The following NCAM1 variants were observed in gnomAD, a reference collection of about 807,000 sequenced individuals.
NCAM1 encodes the protein neural cell adhesion molecule 1.
Under a neutral mutation model 109.8 loss-of-function variants are expected in NCAM1, and 14 were observed. The observed-to-expected ratio is 0.13, with a 90% CI of 0.08 to 0.20. The LOEUF is 0.20. Among genes scored for constraint, NCAM1 ranks in the 10% least tolerant of loss-of-function variants. The pLI is 1.00. For synonymous variants in NCAM1, 418 were observed against 442.9 expected, an observed-to-expected ratio of 0.94 and a Z score of 0.70; for missense variants, 774 against 1,109.9, an observed-to-expected ratio of 0.70 and a Z score of 4.30.
chr11:113,193,602 G>A (rs1040895670), intron 1 of NCAM1, among the ~76,000 whole-genome samples: 4 of 152,000 alleles, frequency 2.6e-5, no homozygotes, highest in African/African-American at 9.7e-5. Flanking sequence ...GCAGTGAAGC[G>A]AGATCCAGCC....
intron 1 of NCAM1, among the ~76,000 whole-genome samples, chr11:113,187,200 C>A (rs992996255): frequency 5.9e-5 from 9 of 152,186 alleles, no homozygotes; most frequent in African/African-American, 2.2e-4. Flanking sequence ...TGTGAGGAAA[C>A]TAGACCCGAC....
intron 1 of NCAM1, among the ~76,000 whole-genome samples, chr11:113,200,771 G>A (rs1160679941): frequency 1.3e-5 from 2 of 152,140 alleles, no homozygotes; most frequent in African/African-American, 4.8e-5. Context: ...TGCGGGCAGT[G>A]ACCCCGCGGC....
chr11:113,228,807 A>G (rs1944921097), intron 9 of NCAM1, among the ~76,000 whole-genome samples: 1 of 152,234 alleles, frequency 6.6e-6, no homozygotes, highest in Non-Finnish European at 1.5e-5. Context: ...ATCTTTGACA[A>G]ACCTGACAAA....
chr11:113,060,871 G>A (rs547023872), intron 1 of NCAM1, among the ~76,000 whole-genome samples: 67 of 152,248 alleles, frequency 4.4e-4, no homozygotes, highest in South Asian at 1.7e-3. Context: ...ACAAGATAGC[G>A]ATCAAGATGT....
intron 17 of NCAM1, 88 bp downstream of exon 17, chr11:113,260,411 ACTTG>A: frequency 1.4e-6 from 2 of 1,404,920 alleles, no homozygotes; most frequent in Non-Finnish European, 1.9e-6. Context: ...AACCCTGACA[ACTTG>A]CTTGCTTACA....
chr11:113,077,910 C>G (rs1938603324), intron 1 of NCAM1, among the ~76,000 whole-genome samples: 1 of 152,114 alleles, frequency 6.6e-6, no homozygotes, highest in Non-Finnish European at 1.5e-5. Flanking sequence ...TGGTCTCAAA[C>G]TCCTGACCTC....
chr11:112,962,951 C>A lies in NCAM1; in HGVS notation c.52+1287C>A, dbSNP rs1241748078. Reference sequence around the variant, plus strand: ...GGTCGCAGCTCCAGGTACCGTTGTACCTGCCCTGGACGGCCGACCCCCGGT... The same window carrying A: ...GGTCGCAGCTCCAGGTACCGTTGTAACTGCCCTGGACGGCCGACCCCCGGT... On this transcript the variant is annotated intron_variant, in intron 1 of 19. Coordinates refer to ENST00000316851, the MANE Select transcript of NCAM1 (RefSeq NM_181351.5). The surrounding 1 kb of genome is among the most constrained non-coding windows in gnomAD (Gnocchi z 5.6). 6.6e-6 allele frequency among the ~76,000 whole-genome samples: 1 copy of A among 151,962 alleles called. No individual in the cohort carries two copies. Among genetic ancestry groups the A allele is most frequent in the Non-Finnish European group, 1.5e-5 (1 of 67,978 alleles).
chr11:113,030,591 A>G (rs1555078190), intron 1 of NCAM1, among the ~76,000 whole-genome samples: 2 of 152,202 alleles, frequency 1.3e-5, no homozygotes, highest in African/African-American at 4.8e-5. Flanking sequence ...CTGGAAAACA[A>G]GAAGGGTCTG....
intron 1 of NCAM1, among the ~76,000 whole-genome samples, chr11:113,024,838 T>G (rs1952489799): frequency 6.6e-6 from 1 of 152,216 alleles, no homozygotes; most frequent in East Asian, 1.9e-4. Context: ...TAGGATATTT[T>G]CACTCACTGC....
At chr11:113,149,193 T>TG (rs1322712394) in intron 1 of NCAM1, among the ~76,000 whole-genome samples, 5 of 152,172 alleles carry the variant, frequency 3.3e-5, no homozygotes, top group African/African-American at 9.6e-5. Context: ...GCCTGCCAGC[T>TG]GGGGGGGCCT....
At chr11:113,152,963 T>C (rs1383204195) in intron 1 of NCAM1, among the ~76,000 whole-genome samples, 3 of 152,192 alleles carry the variant, frequency 2.0e-5, no homozygotes, top group African/African-American at 7.2e-5. Context: ...GAAGAATGAA[T>C]TATAGAGGGT....
chr11:113,175,274 C>T (rs1373054785), intron 1 of NCAM1, among the ~76,000 whole-genome samples: 1 of 152,188 alleles, frequency 6.6e-6, no homozygotes, highest in Non-Finnish European at 1.5e-5. Flanking sequence ...ACCACAATAA[C>T]CCTTGGCCCA....
At chr11:113,177,006 G>A (rs1943171816) in intron 1 of NCAM1, among the ~76,000 whole-genome samples, 1 of 152,200 alleles carries the variant, frequency 6.6e-6, no homozygotes, top group Non-Finnish European at 1.5e-5. Context: ...TTGCAAGGTT[G>A]CAATTTATAA....
chr11:112,997,199 T>TA (rs1555071576), intron 1 of NCAM1, among the ~76,000 whole-genome samples: 1 of 152,172 alleles, frequency 6.6e-6, no homozygotes, highest in Non-Finnish European at 1.5e-5. Context: ...GAGTGGGTGT[T>TA]ACTGAACACT....
chr11:113,263,420 C>G, intron 17 of NCAM1: 1 of 988,608 alleles, frequency 1.0e-6, no homozygotes, highest in East Asian at 1.1e-4. Flanking sequence ...TTTAAGTGCC[C>G]ATGTTAAAAG....
At chr11:113,064,087 A>T (rs1937817496) in intron 1 of NCAM1, among the ~76,000 whole-genome samples, 1 of 152,218 alleles carries the variant, frequency 6.6e-6, no homozygotes, top group Non-Finnish European at 1.5e-5. Flanking sequence ...CAACTGTAGG[A>T]ATTGAAATTA....
At chr11:112,996,656 A>G (rs751678096) in intron 1 of NCAM1, among the ~76,000 whole-genome samples, 37 of 152,208 alleles carry the variant, frequency 2.4e-4, no homozygotes, top group Non-Finnish European at 4.7e-4. Flanking sequence ...TCAGAATGAC[A>G]GGGCAGTGCA....
rs782249924 is a variant in NCAM1 at position 113,232,259 on chromosome 11, G to C, written c.1330G>C (p.Ala444Pro). ...ITCEVFAYPS[A>P]TISWFRDGQL... Reference sequence around the variant, plus strand: ...CTGCGAGGTATTTGCCTATCCCAGTGCCACGATCTCATGGTTTCGGGATGG... The same window carrying C: ...CTGCGAGGTATTTGCCTATCCCAGTCCCACGATCTCATGGTTTCGGGATGG... Residue 444 changes from alanine (A) to proline (P), a missense_variant, in exon 11 of 20, where the codon GCC (alanine) becomes CCC (proline). By Grantham distance (27) the Ala-to-Pro change is conservative. Transcript: ENST00000316851. The C allele has an allele frequency of 1.9e-6, 3 of 1,613,932 alleles. No homozygotes were observed. In the South Asian group the frequency reaches 3.3e-5, roughly 18 times the overall value.
chr11:113,076,149 C>T (rs1938515706), intron 1 of NCAM1, among the ~76,000 whole-genome samples: 1 of 141,250 alleles, frequency 7.1e-6, no homozygotes, highest in Non-Finnish European at 1.5e-5. Flanking sequence ...GGCAGCGTCA[C>T]CAAACTCAGT....
Sources: allele counts gnomAD v4.1 joint callset (sites outside exome capture counted in the v4.1 genomes callset), GRCh38; gene constraint gnomAD v4.1.1; non-coding constraint Gnocchi (gnomAD v3.1); transcripts MANE v1.5; gene names NCBI Gene and HGNC (gene_info 2026-07-23, HGNC 2026-07-21).